The following ANK1 variants were observed in gnomAD, a reference collection of about 807,000 sequenced individuals.
ANK1 encodes the protein ankyrin-1.
In ANK1, 51 loss-of-function variants were observed where a neutral mutation model predicts 210.4. The observed-to-expected ratio is 0.24, with a 90% CI of 0.19 to 0.31. The LOEUF is 0.31. Among genes scored for constraint, ANK1 ranks in the 10% least tolerant of loss-of-function variants. The probability of loss-of-function intolerance (pLI) is 1.00; values close to 1 mark genes in which losing one functional copy is unlikely to be tolerated. For missense variants in ANK1, 2,051 were observed against 2,504.4 expected, an observed-to-expected ratio of 0.82 and a Z score of 3.86; for synonymous variants, 967 against 1,025.9, an observed-to-expected ratio of 0.94 and a Z score of 1.10.
exon 1 of ANK1, chr8:41,896,413 T>A (rs2150841663): frequency 6.2e-7 from 1 of 1,604,330 alleles, no homozygotes; most frequent in East Asian, 2.3e-5. Flanking sequence ...CTCCTTCTCC[T>A]TCTGCTCCTG....
intron 40 of ANK1, among the ~76,000 whole-genome samples, chr8:41,662,680 C>G (rs1808842645): frequency 6.6e-6 from 1 of 152,282 alleles, no homozygotes; most frequent in East Asian, 1.9e-4. Context: ...GGAGGTGAAA[C>G]ATCAGTGAGA....
intron 1 of ANK1, among the ~76,000 whole-genome samples, chr8:41,807,264 C>T (rs1303142746): frequency 6.6e-6 from 1 of 152,038 alleles, no homozygotes; most frequent in Non-Finnish European, 1.5e-5. Flanking sequence ...ATCAGATGAC[C>T]GAGGCAAGAG....
chr8:41,805,193 C>G (rs1267513231), intron 1 of ANK1, among the ~76,000 whole-genome samples: 1 of 150,256 alleles, frequency 6.7e-6, no homozygotes, highest in Non-Finnish European at 1.5e-5. Context: ...TTCTCTCTCT[C>G]TGTCCCTCTT....
chr8:41,765,265 T>A (rs1437691764), intron 1 of ANK1, among the ~76,000 whole-genome samples: 1 of 151,488 alleles, frequency 6.6e-6, no homozygotes, highest in African/African-American at 2.4e-5. Flanking sequence ...CAAGACAGAG[T>A]CTCCCTCTTT....
At chr8:41,750,558 A>G (rs74464682) in intron 2 of ANK1, among the ~76,000 whole-genome samples, 4,948 of 138,820 alleles carry the variant, frequency 0.036, 248 homozygotes, top group African/African-American at 0.12. Context: ...AGCAAACAAC[A>G]TTGCTGCTTT....
At chr8:41,659,608 G>C (rs931072611) in intron 42 of ANK1, among the ~76,000 whole-genome samples, 2 of 152,208 alleles carry the variant, frequency 1.3e-5, no homozygotes, top group African/African-American at 4.8e-5. Flanking sequence ...CTGGTTGGGA[G>C]GGTAGGGCAT....
intron 1 of ANK1, among the ~76,000 whole-genome samples, chr8:41,875,045 C>T (rs530547353): frequency 2.0e-5 from 3 of 152,334 alleles, no homozygotes; most frequent in Admixed American, 6.5e-5. Flanking sequence ...CCACCTGTCT[C>T]GGTCCATATA....
intron 1 of ANK1, among the ~76,000 whole-genome samples, chr8:41,804,547 G>A (rs1210038382): frequency 6.6e-6 from 1 of 152,166 alleles, no homozygotes; most frequent in African/African-American, 2.4e-5. Flanking sequence ...AGGTGAGTTG[G>A]CTGGCTTCTC....
At chr8:41,681,241 T>C (rs981642543) in intron 37 of ANK1, among the ~76,000 whole-genome samples, 1 of 152,238 alleles carries the variant, frequency 6.6e-6, no homozygotes, top group African/African-American at 2.4e-5. Context: ...CATTAGTTTG[T>C]GTCTGATTTA....
chr8:41,750,992 A>G (rs749419067), intron 2 of ANK1, among the ~76,000 whole-genome samples: 16 of 152,234 alleles, frequency 1.1e-4, no homozygotes, highest in Admixed American at 5.2e-4. Context: ...CCGGGATTCC[A>G]GCTCACGGCC....
intron 37 of ANK1, among the ~76,000 whole-genome samples, chr8:41,675,228 C>A (rs2150566588): frequency 6.6e-6 from 1 of 152,288 alleles, no homozygotes; most frequent in Non-Finnish European, 1.5e-5. Flanking sequence ...CTGGGAGTAG[C>A]TGGGATTACA....
Position 41,692,887 on chromosome 8 carries a change from G to T in ANK1, c.3630-11C>A. ...TCCGACAGCCAAAACCTAAAAAGTA[G>T]GGCGAGTTATGTGTTCCCAAGTGCC... On this transcript the variant is annotated splice_polypyrimidine_tract_variant and intron_variant, in intron 30 of 42. Coordinates refer to ENST00000289734, the MANE Select transcript of ANK1 (RefSeq NM_000037.4). The T allele has an allele frequency of 6.2e-7, 1 of 1,612,342 alleles. No homozygotes were observed. Among genetic ancestry groups the T allele is most frequent in the South Asian group, 1.1e-5 (1 of 91,018 alleles).
chr8:41,725,000 C>G (rs988081586), intron 6 of ANK1, among the ~76,000 whole-genome samples: 3 of 152,220 alleles, frequency 2.0e-5, no homozygotes, highest in African/African-American at 7.2e-5. Flanking sequence ...GCTGGGACTA[C>G]AGGCGAACAC....
rs769011949 is a variant in ANK1, at chr8:41,715,639, C to A, written c.1602+13G>T. 1.9e-6 allele frequency: 3 copies of A among 1,612,406 alleles called. No individual in the cohort carries two copies. The highest frequency in any genetic ancestry group is 2.2e-5 in the East Asian group (1 of 44,884). On this transcript the variant is annotated intron_variant, in intron 14 of 42. Coordinates refer to ENST00000289734, the MANE Select transcript of ANK1 (RefSeq NM_000037.4). ...CCTGTTGCTTCCTTAGACCACGAGG[C>A]GGGAGGCTGTACCTTGGTCATGCAG...
chr8:41,728,906 C>T (rs535868797), intron 3 of ANK1, among the ~76,000 whole-genome samples: 6 of 152,310 alleles, frequency 3.9e-5, no homozygotes, highest in East Asian at 1.9e-4. Context: ...CCTGCAGCTC[C>T]GCTCAGCCTG....
rs1276406679 is a variant in ANK1 at position 41,655,193 on chromosome 8, AG to A, written c.*596del. The A allele has an allele frequency of 2.1e-5, 3 of 144,358 alleles. No homozygotes were observed. The highest frequency in any genetic ancestry group is 4.4e-5 in the Non-Finnish European group (3 of 67,444). 8.9% of individuals were successfully genotyped at this position (144,358 alleles called of 1,614,324 possible). A position where few individuals can be genotyped will look rare whatever the true frequency, so the allele number is the denominator to read the frequency against. The stretch of plus-strand genomic sequence containing the variant: ...AGAGCGATCTGGGAGGAGCGTCACC[AG>A]GGAGTCGAGGGGGTGTCACAAGTGG... On this transcript the variant is annotated 3_prime_UTR_variant, in exon 43 of 43. Coordinates refer to ENST00000289734, the MANE Select transcript of ANK1 (RefSeq NM_000037.4).
At chr8:41,703,450 A>ATATATTTTTT (rs59985416) in intron 20 of ANK1, among the ~76,000 whole-genome samples, 4 of 58,822 alleles carry the variant, frequency 6.8e-5, no homozygotes, top group African/African-American at 3.6e-4. Flanking sequence ...ATATATATAT[A>ATATATTTTTT]TTTTTTTTTT....
chr8:41,814,058 G>C (rs1802902709), intron 1 of ANK1, among the ~76,000 whole-genome samples: 1 of 152,116 alleles, frequency 6.6e-6, no homozygotes, highest in Non-Finnish European at 1.5e-5. Context: ...TAACTATACT[G>C]CCATTTTAAA....
chr8:41,868,188 T>C (rs1037128041), intron 1 of ANK1, among the ~76,000 whole-genome samples: 2 of 152,206 alleles, frequency 1.3e-5, no homozygotes, highest in African/African-American at 2.4e-5. Flanking sequence ...AAAAGCATGA[T>C]AACAGTATTA....
Sources: gnomAD v4.1 joint callset for allele counts (sites outside exome capture counted in the v4.1 genomes callset) on GRCh38, gnomAD v4.1.1 for gene constraint, MANE v1.5 for transcripts, NCBI Gene and HGNC (gene_info 2026-07-23, HGNC 2026-07-21) for gene names.